The following CD2AP variants were observed in gnomAD, a reference collection of about 807,000 sequenced individuals.
The protein encoded by CD2AP is CD2 associated protein.
CD2AP carries 46 observed loss-of-function variants against 85.1 expected under a neutral mutation model. That is an observed-to-expected ratio of 0.54 (90% CI 0.43 to 0.69). The LOEUF is 0.69. CD2AP is among the 30% of genes least tolerant of loss of function. The probability of loss-of-function intolerance (pLI) is 0.00; values close to 1 mark genes in which losing one functional copy is unlikely to be tolerated. For synonymous variants in CD2AP, 255 were observed against 252.9 expected, an observed-to-expected ratio of 1.01 and a Z score of -0.08; for missense variants, 769 against 729.5, an observed-to-expected ratio of 1.05 and a Z score of -0.62.
intron 3 of CD2AP, among the ~76,000 whole-genome samples, chr6:47,541,373 C>T (rs1329763180): frequency 6.6e-6 from 1 of 152,194 alleles, no homozygotes; most frequent in Non-Finnish European, 1.5e-5. Flanking sequence ...ATCCGCCTGC[C>T]TCGGCCTCCC....
intron 16 of CD2AP, among the ~76,000 whole-genome samples, chr6:47,610,967 ATGTAT>A (rs1415979885): frequency 1.3e-5 from 1 of 77,330 alleles, no homozygotes; most frequent in Non-Finnish European, 2.4e-5. Flanking sequence ...ATATATATAT[ATGTAT>A]TTTTTTTTTT....
rs573983223 is a variant in CD2AP, at chr6:47,544,032, C to T, written c.320-574C>T. Among the ~76,000 whole-genome samples the T allele has an allele frequency of 3.3e-5, 5 of 152,176 alleles. No individual in the cohort carries two copies. The South Asian group carries it at 6.2e-4, about 19-fold the overall frequency. ...GCTTGAAAAAGGTTGAGAACACAAG[C>T]GCGAATGGTTATAAATGATCACTTC... is the stretch of plus-strand genomic sequence containing the variant. On this transcript the variant is annotated intron_variant, in intron 3 of 17. Coordinates refer to ENST00000359314, the MANE Select transcript of CD2AP (RefSeq NM_012120.3).
At position 47,574,176 on chromosome 6, in the gene CD2AP, C is replaced by T. The variant is rs1329238906; in HGVS notation, c.654C>T (p.Asp218=). The change falls in exon 6 of 18, where the codon GAC becomes GAT. Residue 218 remains aspartate (D), a synonymous_variant. Coordinates refer to ENST00000359314, the MANE Select transcript of CD2AP (RefSeq NM_012120.3). ...PKKIRGIGFG[D]IFKEGSVKLR... is the part of the protein sequence containing the mutation. ...AAATTCGAGGAATTGGATTTGGAGA[C>T]ATTTTTAAAGAAGGCTCTGTGAAAC... The T allele has an allele frequency of 1.9e-6, 3 of 1,613,992 alleles. No homozygotes were observed. The highest frequency in any genetic ancestry group is 2.5e-6 in the Non-Finnish European group (3 of 1,179,940).
At chr6:47,581,694 A>C (rs1266363847) in intron 10 of CD2AP, among the ~76,000 whole-genome samples, 2 of 152,194 alleles carry the variant, frequency 1.3e-5, no homozygotes, top group East Asian at 3.8e-4. Context: ...AGTGTTCAGT[A>C]GTCACATGTT....
At chr6:47,483,331 C>T (rs1765490279) in intron 1 of CD2AP, among the ~76,000 whole-genome samples, 1 of 151,988 alleles carries the variant, frequency 6.6e-6, no homozygotes, top group African/African-American at 2.4e-5. Context: ...CAAAGTGCAG[C>T]GTGTACATGT....
At chr6:47,537,234 G>A (rs1349688372) in intron 3 of CD2AP, among the ~76,000 whole-genome samples, 1 of 152,162 alleles carries the variant, frequency 6.6e-6, no homozygotes, top group African/African-American at 2.4e-5. Context: ...AGTCAGTGCT[G>A]AAGAAAATAG....
At chr6:47,615,319 G>T (rs772216829) in intron 17 of CD2AP, among the ~76,000 whole-genome samples, 1 of 152,128 alleles carries the variant, frequency 6.6e-6, no homozygotes, top group Non-Finnish European at 1.5e-5. Context: ...GTAGGGTTTG[G>T]AATGATAGTA....
At chr6:47,490,177 C>G (rs964819352) in intron 1 of CD2AP, among the ~76,000 whole-genome samples, 2 of 152,090 alleles carry the variant, frequency 1.3e-5, no homozygotes, top group Non-Finnish European at 2.9e-5. Context: ...GACATAGGGT[C>G]TTGCCATATT....
At chr6:47,495,772 T>G (rs548919059) in intron 1 of CD2AP, among the ~76,000 whole-genome samples, 1 of 152,324 alleles carries the variant, frequency 6.6e-6, no homozygotes, top group East Asian at 1.9e-4. Context: ...GAGCTGAAAC[T>G]GCCAGTTGAG....
chr6:47,599,176 A>C, intron 12 of CD2AP, 125 bp from the exon 13 acceptor site: 2 of 767,278 alleles, frequency 2.6e-6, no homozygotes, highest in Non-Finnish European at 4.4e-6. Context: ...CGTTTATGGA[A>C]ATGGTTTTAC....
intron 2 of CD2AP, among the ~76,000 whole-genome samples, chr6:47,518,743 C>T (rs776273427): frequency 5.9e-5 from 9 of 152,206 alleles, no homozygotes; most frequent in Non-Finnish European, 1.3e-4. Context: ...TTCACATTTC[C>T]ATCAGCAATG....
chr6:47,609,513 C>A lies in CD2AP; in HGVS notation c.1814+209C>A, dbSNP rs893601669. 551 of 141,796 alleles carry A rather than the reference C, an allele frequency of 3.9e-3. 27 individuals carry two copies. The highest frequency in any genetic ancestry group is 0.01 in the South Asian group (55 of 5,338). The allele number at this position is 141,796 out of a possible 1,614,324, so 8.8% of individuals were successfully genotyped here. A position where few individuals can be genotyped will look rare whatever the true frequency, so the allele number is the denominator to read the frequency against. On this transcript the variant is annotated intron_variant, in intron 16 of 17. Transcript: ENST00000359314. ...ACGACATGACAAAACCCCATCTTTG[C>A]AAAAAAAAAAAAAAAAAAGAAAAGA...
intron 2 of CD2AP, among the ~76,000 whole-genome samples, chr6:47,530,933 A>G (rs1474525355): frequency 6.6e-6 from 1 of 152,022 alleles, no homozygotes; most frequent in Non-Finnish European, 1.5e-5. Flanking sequence ...TAGCTTTTTT[A>G]CCTTTTTAAC....
At chr6:47,540,561 CT>C (rs200863727) in intron 3 of CD2AP, among the ~76,000 whole-genome samples, 3 of 150,782 alleles carry the variant, frequency 2.0e-5, no homozygotes, top group East Asian at 1.9e-4. Context: ...TTGATTAAAT[CT>C]TTTTTTTTCA....
At chr6:47,605,998 C>T (rs1166718168) in intron 13 of CD2AP, among the ~76,000 whole-genome samples, 167 bp from the exon 14 acceptor site, 4 of 150,874 alleles carry the variant, frequency 2.7e-5, no homozygotes, top group African/African-American at 7.3e-5. Context: ...CTTTTAAGGG[C>T]GAGTGTTGTT....
At chr6:47,508,815 G>A (rs373048921) in intron 2 of CD2AP, among the ~76,000 whole-genome samples, 1 of 152,124 alleles carries the variant, frequency 6.6e-6, no homozygotes, top group South Asian at 2.1e-4. Flanking sequence ...AAAGTGCTGG[G>A]ATTACAGGTG....
Position 47,576,993 on chromosome 6 carries a change from A to G in CD2AP, c.809-16A>G, listed in dbSNP as rs369595595. 1 of 1,249,328 alleles carries G rather than the reference A, an allele frequency of 8.0e-7. No individual in the cohort carries two copies. Among genetic ancestry groups the G allele is most frequent in the Non-Finnish European group, 1.2e-6 (1 of 847,272 alleles). The allele number at this position is 1,249,328 out of a possible 1,614,324, so 77.4% of individuals were successfully genotyped here. ...TCCATTTGTGTGAGCCACATTATTT[A>G]CATTCTTTATTTCAGCTAAAGAATA... On this transcript the variant is annotated splice_polypyrimidine_tract_variant and intron_variant, in intron 7 of 17. Transcript: ENST00000359314.
rs1360343071 is a variant in CD2AP, at chr6:47,609,431, CT to C, written c.1814+130del. The C allele has an allele frequency of 7.6e-6, 5 of 661,382 alleles. No homozygotes were observed. In the African/African-American group the frequency reaches 9.3e-5, roughly 12 times the overall value. 41.0% of individuals were successfully genotyped at this position (661,382 alleles called of 1,614,324 possible). A position where few individuals can be genotyped will look rare whatever the true frequency, so the allele number is the denominator to read the frequency against. The stretch of plus-strand genomic sequence containing the variant: ...GTAGTTCGCGCCTGTAATCCCAGCA[CT>C]TTGGGAGACCAAGTTTGGAGGATTG... On this transcript the variant is annotated intron_variant, in intron 16 of 17. Coordinates refer to ENST00000359314, the MANE Select transcript of CD2AP (RefSeq NM_012120.3).
chr6:47,585,962 A>G (rs1012259224), intron 11 of CD2AP, among the ~76,000 whole-genome samples: 4 of 152,248 alleles, frequency 2.6e-5, no homozygotes, highest in Non-Finnish European at 5.9e-5. Flanking sequence ...ACAACTTAAA[A>G]GCATATAATG....
Sources: gnomAD v4.1 joint callset for allele counts (sites outside exome capture counted in the v4.1 genomes callset) on GRCh38, gnomAD v4.1.1 for gene constraint, MANE v1.5 for transcripts, NCBI Gene and HGNC (gene_info 2026-07-23, HGNC 2026-07-21) for gene names.